Variants in CACNA2D3 observed in about 807,000 individuals in gnomAD.
CACNA2D3 encodes the protein voltage-dependent calcium channel subunit alpha-2/delta-3.
CACNA2D3 carries 60 observed loss-of-function variants against 160.6 expected under a neutral mutation model. The observed-to-expected ratio is 0.37, with a 90% CI of 0.30 to 0.46. CACNA2D3 has a LOEUF of 0.46. Among genes scored for constraint, CACNA2D3 ranks in the 20% least tolerant of loss-of-function variants. CACNA2D3 has a pLI of 1.00. For missense variants in CACNA2D3, 1,205 were observed against 1,365.0 expected, an observed-to-expected ratio of 0.88 and a Z score of 1.85; for synonymous variants, 558 against 492.9, an observed-to-expected ratio of 1.13 and a Z score of -1.75.
Position 54,879,384 on chromosome 3 carries a change from A to C in CACNA2D3, c.1817A>C (p.Tyr606Ser), listed in dbSNP as rs778347934. ...TTGGTGATGACAAATGACTACTATT[A>C]TACAGACATCAAGGGTACTCCTTTC... ...RVLVMTNDYY[Y>S]TDIKGTPFSL... The change falls in exon 20 of 38, where the codon TAT becomes TCT. Residue 606 changes from tyrosine to serine, a missense_variant. Tyr to Ser is a moderately radical substitution (Grantham distance 144, BLOSUM62 -2). Around this residue, in one of 3 missense-constraint regions of CACNA2D3, gnomAD observed 911 missense variants for 1,002.2 expected, o/e 0.91. Transcript: ENST00000474759. 6.2e-7 allele frequency: 1 copy of C among 1,608,910 alleles called. No individual in the cohort carries two copies.
At chr3:54,124,293 G>A (rs997783085) in intron 2 of CACNA2D3, among the ~76,000 whole-genome samples, 2 of 152,100 alleles carry the variant, frequency 1.3e-5, no homozygotes, top group African/African-American at 4.8e-5. Flanking sequence ...CAAATAGGCA[G>A]CATTTTAAGC....
At chr3:54,990,947 T>A (rs13325768) in intron 31 of CACNA2D3, among the ~76,000 whole-genome samples, 33,780 of 152,116 alleles carry the variant, frequency 0.22, 3,924 homozygotes, top group East Asian at 0.32. Context: ...TTGGGCACTT[T>A]AGTTGACTCT....
intron 35 of CACNA2D3, among the ~76,000 whole-genome samples, chr3:55,039,652 T>C (rs9841508): frequency 0.018 from 2,764 of 152,326 alleles, 86 homozygotes; most frequent in African/African-American, 0.063. Flanking sequence ...CATAACAAGA[T>C]ATTACAGGCT....
chr3:54,860,235 G>T (rs891480604), intron 17 of CACNA2D3, among the ~76,000 whole-genome samples: 4 of 152,168 alleles, frequency 2.6e-5, no homozygotes, highest in African/African-American at 9.7e-5. Flanking sequence ...TTTAGAAGCT[G>T]ACAGACATCA....
At chr3:55,015,999 C>G (rs1276865132) in intron 34 of CACNA2D3, among the ~76,000 whole-genome samples, 1 of 152,198 alleles carries the variant, frequency 6.6e-6, no homozygotes, top group East Asian at 1.9e-4. Flanking sequence ...GACAGAGGTT[C>G]TCACATTTTT....
intron 3 of CACNA2D3, among the ~76,000 whole-genome samples, chr3:54,354,610 A>G (rs1321465504): frequency 6.6e-6 from 1 of 152,208 alleles, no homozygotes; most frequent in Non-Finnish European, 1.5e-5. Context: ...AAGCAAAGCC[A>G]ATTGAATGAA....
chr3:54,128,219 C>A (rs1463046613), intron 2 of CACNA2D3, among the ~76,000 whole-genome samples: 1 of 152,164 alleles, frequency 6.6e-6, no homozygotes, highest in Non-Finnish European at 1.5e-5. Flanking sequence ...GAATACCAAA[C>A]CACCTGATAA....
chr3:54,411,433 A>G (rs1699666430), intron 4 of CACNA2D3, among the ~76,000 whole-genome samples: 1 of 152,152 alleles, frequency 6.6e-6, no homozygotes, highest in East Asian at 1.9e-4. Flanking sequence ...ACCTTTAGCA[A>G]CCATCACCCT....
intron 11 of CACNA2D3, among the ~76,000 whole-genome samples, chr3:54,660,066 C>T (rs973739960): frequency 2.0e-5 from 3 of 152,088 alleles, no homozygotes; most frequent in African/African-American, 7.2e-5. Context: ...AAAACCTGAC[C>T]GTGAGCCTTG....
At position 54,388,477 on chromosome 3, in the gene CACNA2D3, T is replaced by G. The variant is rs56310284; in HGVS notation, c.381+1703T>G. 7.8e-3 allele frequency among the ~76,000 whole-genome samples: 1,189 copies of G among 152,224 alleles called. 10 individuals carry two copies. The highest frequency in any genetic ancestry group is 0.027 in the African/African-American group (1,125 of 41,520). ...TCAGCAGTCTTTTTAGGCATAATACTCAACATTTGAAACAAATAGAGCCAG... is the reference window on the plus strand; with the variant it reads ...TCAGCAGTCTTTTTAGGCATAATACGCAACATTTGAAACAAATAGAGCCAG... On this transcript the variant is annotated intron_variant, in intron 4 of 37. Coordinates refer to ENST00000474759, the MANE Select transcript of CACNA2D3 (RefSeq NM_018398.3).
intron 5 of CACNA2D3, among the ~76,000 whole-genome samples, chr3:54,507,537 C>G (rs1380715475): frequency 6.6e-6 from 1 of 152,186 alleles, no homozygotes; most frequent in Non-Finnish European, 1.5e-5. Context: ...GTGGAAGACA[C>G]TGACACCTGT....
chr3:54,214,672 G>A (rs12632437), intron 2 of CACNA2D3, among the ~76,000 whole-genome samples: 7,541 of 152,256 alleles, frequency 0.05, 302 homozygotes, highest in East Asian at 0.22. Flanking sequence ...CTGCCAGGGT[G>A]TGGAGAGGAT....
intron 3 of CACNA2D3, among the ~76,000 whole-genome samples, chr3:54,384,278 G>A (rs944827546): frequency 6.6e-6 from 1 of 152,078 alleles, no homozygotes; most frequent in African/African-American, 2.4e-5. Flanking sequence ...GTAAATAAAT[G>A]CTCAAATGCA....
rs775786209 is a variant in CACNA2D3, at chr3:55,074,206, ACACTGACTGAGATGTTCTCT to A, written c.*1_*20del. 1 of 1,610,324 alleles carries A rather than the reference ACACTGACTGAGATGTTCTCT, an allele frequency of 6.2e-7. No homozygotes were observed. Among genetic ancestry groups the A allele is most frequent in the African/African-American group, 1.3e-5 (1 of 74,602 alleles). Reference sequence around the variant, plus strand: ...TGCTTTTGATGCTCTTCTCAAGGTGACACTGACTGAGATGTTCTCTTACTGACTGAGATGTTCTCTTGGCA... The same window carrying A: ...TGCTTTTGATGCTCTTCTCAAGGTGATACTGACTGAGATGTTCTCTTGGCA... On this transcript the variant is annotated 3_prime_UTR_variant, in exon 38 of 38. Transcript: ENST00000474759.
At chr3:54,244,026 C>T (rs149176579) in intron 2 of CACNA2D3, among the ~76,000 whole-genome samples, 1 of 152,326 alleles carries the variant, frequency 6.6e-6, no homozygotes, top group Non-Finnish European at 1.5e-5. Flanking sequence ...CAGACCTGAC[C>T]ACCTGATGAT....
chr3:54,228,922 C>G (rs1559889134), intron 2 of CACNA2D3, among the ~76,000 whole-genome samples: 1 of 152,220 alleles, frequency 6.6e-6, no homozygotes, highest in African/African-American at 2.4e-5. Flanking sequence ...TGAGATCTTT[C>G]CAGAGGCCAG....
At chr3:55,040,510 A>G (rs1416270563) in intron 35 of CACNA2D3, among the ~76,000 whole-genome samples, 1 of 152,144 alleles carries the variant, frequency 6.6e-6, no homozygotes, top group Non-Finnish European at 1.5e-5. Flanking sequence ...AAATAGTTTG[A>G]AAAAAACTGT....
rs992569277 is a variant in CACNA2D3 at position 54,691,399 on chromosome 3, T to C, written c.1167+49158T>C. 3.3e-5 allele frequency among the ~76,000 whole-genome samples: 5 copies of C among 152,304 alleles called. No individual in the cohort carries two copies. In the East Asian group the frequency reaches 7.7e-4, roughly 23 times the overall value. ...AGACTCCATACAAACAGCTGATATG[T>C]GTAATCAACAAAGGAACATATTGTG... is the stretch of plus-strand genomic sequence containing the variant. On this transcript the variant is annotated intron_variant, in intron 11 of 37. Transcript: ENST00000474759.
At chr3:54,140,975 C>T (rs1699914917) in intron 2 of CACNA2D3, among the ~76,000 whole-genome samples, 1 of 152,000 alleles carries the variant, frequency 6.6e-6, no homozygotes, top group Non-Finnish European at 1.5e-5. Context: ...TCAGCCATGA[C>T]TATAAGCTAG....
Sources: gnomAD v4.1 joint callset for allele counts (sites outside exome capture counted in the v4.1 genomes callset) on GRCh38, gnomAD v4.1.1 for gene constraint, gnomAD v4.1.1 regional missense constraint, MANE v1.5 for transcripts, NCBI Gene and HGNC (gene_info 2026-07-23, HGNC 2026-07-21) for gene names.